The following TTC28 variants were observed in gnomAD, a reference collection of about 807,000 sequenced individuals.
The protein encoded by TTC28 is tetratricopeptide repeat domain 28, also known as tetratricopeptide repeat protein 28.
A neutral mutation model predicts 198.0 loss-of-function variants in TTC28; 61 were observed. The observed-to-expected ratio is 0.31, with a 90% CI of 0.25 to 0.38. The LOEUF (loss-of-function observed/expected upper bound fraction) is 0.38, where lower values mean the gene tolerates loss of function less well. Among genes scored for constraint, TTC28 ranks in the 10% least tolerant of loss-of-function variants. TTC28 has a pLI of 1.00. For synonymous variants in TTC28, 1,171 were observed against 1,297.8 expected, an observed-to-expected ratio of 0.90 and a Z score of 2.10; for missense variants, 2,678 against 3,164.0, an observed-to-expected ratio of 0.85 and a Z score of 3.69.
At chr22:28,191,269 A>C (rs1924718188) in intron 5 of TTC28, among the ~76,000 whole-genome samples, 1 of 152,228 alleles carries the variant, frequency 6.6e-6, no homozygotes, top group African/African-American at 2.4e-5. Context: ...AGAAATAAAG[A>C]ATTACCAACT....
At chr22:28,231,959 A>C (rs1422443361) in intron 5 of TTC28, among the ~76,000 whole-genome samples, 1 of 152,252 alleles carries the variant, frequency 6.6e-6, no homozygotes, top group Non-Finnish European at 1.5e-5. Context: ...AGTAGTTCAT[A>C]ATTGAGAAAG....
chr22:28,304,971 A>ATTATTTATTTATTTAT (rs112686882), intron 3 of TTC28, among the ~76,000 whole-genome samples: 427 of 147,982 alleles, frequency 2.9e-3, no homozygotes, highest in African/African-American at 4.2e-3. Context: ...TTGTTTATTT[A>ATTATTTATTTATTTAT]TTATTTATTT....
intron 2 of TTC28, among the ~76,000 whole-genome samples, chr22:28,618,383 T>C (rs2050935863): frequency 6.6e-6 from 1 of 150,594 alleles, no homozygotes; most frequent in Non-Finnish European, 1.5e-5. Flanking sequence ...CAAAAATACA[T>C]CTAAATGAAA....
intron 5 of TTC28, among the ~76,000 whole-genome samples, chr22:28,166,374 C>T (rs1175654126): frequency 2.6e-5 from 4 of 152,152 alleles, no homozygotes; most frequent in Non-Finnish European, 5.9e-5. Context: ...AATATACATT[C>T]TTCTCAGCAC....
chr22:28,480,069 G>C (rs1440092488), intron 2 of TTC28, among the ~76,000 whole-genome samples: 4 of 152,192 alleles, frequency 2.6e-5, no homozygotes, highest in Non-Finnish European at 4.4e-5. Flanking sequence ...ATGAGGCAAA[G>C]CCAAATGGGG....
intron 2 of TTC28, among the ~76,000 whole-genome samples, chr22:28,371,288 C>T (rs2046327065): frequency 6.6e-6 from 1 of 150,786 alleles, no homozygotes; most frequent in African/African-American, 2.4e-5. Context: ...GAGGCTGAGG[C>T]AGGCAGATCG....
chr22:28,280,712 G>C (rs1260378263), intron 5 of TTC28, among the ~76,000 whole-genome samples: 1 of 151,978 alleles, frequency 6.6e-6, no homozygotes, highest in East Asian at 1.9e-4. Flanking sequence ...TGTAGGTCTG[G>C]GTTTCCATTT....
chr22:28,628,515 T>C (rs1252123771), intron 2 of TTC28, among the ~76,000 whole-genome samples: 4 of 152,204 alleles, frequency 2.6e-5, no homozygotes, highest in African/African-American at 7.2e-5. Flanking sequence ...TTATTAACTA[T>C]AGTCCTCATG....
Position 28,117,278 on chromosome 22 carries a change from C to T in TTC28, c.1442-8875G>A, listed in dbSNP as rs1942658843. Among the ~76,000 whole-genome samples the T allele has an allele frequency of 2.0e-5, 3 of 152,234 alleles. No individual in the cohort carries two copies. The South Asian group carries it at 6.2e-4, about 32-fold the overall frequency. On this transcript the variant is annotated intron_variant, in intron 6 of 22. Coordinates refer to ENST00000397906, the MANE Select transcript of TTC28 (RefSeq NM_001145418.2). Reference sequence around the variant, plus strand: ...GTGTTGCCCCTAAGGATTGCATGGACCTGTGGTAGGCTTTGTATGAATATA... The same window carrying T: ...GTGTTGCCCCTAAGGATTGCATGGATCTGTGGTAGGCTTTGTATGAATATA...
At chr22:28,070,070 C>T (rs951944418) in intron 12 of TTC28, among the ~76,000 whole-genome samples, 4 of 152,122 alleles carry the variant, frequency 2.6e-5, no homozygotes, top group Admixed American at 2.6e-4. Flanking sequence ...TAGTCAGACC[C>T]ATTCTAGCAA....
At chr22:28,280,526 T>C (rs934505736) in intron 5 of TTC28, among the ~76,000 whole-genome samples, 2 of 152,024 alleles carry the variant, frequency 1.3e-5, no homozygotes, top group African/African-American at 4.8e-5. Context: ...TTAATAGAGA[T>C]GGGGTTTCAC....
chr22:28,221,097 A>G (rs747308296), intron 5 of TTC28, among the ~76,000 whole-genome samples: 3 of 152,140 alleles, frequency 2.0e-5, no homozygotes, highest in Non-Finnish European at 4.4e-5. Context: ...TGGCTCCAGG[A>G]AAGTTGTTAG....
At chr22:28,522,857 C>T (rs5762667) in intron 2 of TTC28, among the ~76,000 whole-genome samples, 150,539 of 152,116 alleles carry the variant, frequency 0.99, 74,515 homozygotes, top group Middle Eastern at 1. Flanking sequence ...TAGTGGTTGT[C>T]AGAGGCTGGA....
Position 27,990,527 on chromosome 22 carries a change from T to C in TTC28, c.5577+262A>G, listed in dbSNP as rs566359825. Among the ~76,000 whole-genome samples the C allele has an allele frequency of 4.6e-5, 7 of 152,346 alleles. No homozygotes were observed. In the South Asian group the frequency reaches 1.0e-3, roughly 23 times the overall value. On this transcript the variant is annotated intron_variant, in intron 20 of 22. Coordinates refer to ENST00000397906, the MANE Select transcript of TTC28 (RefSeq NM_001145418.2). Reference sequence around the variant, plus strand: ...TCACAGAGTGACACTCACTGAAAGCTGGTTCTGCCCCTGCTGTCTGGTGGA... The same window carrying C: ...TCACAGAGTGACACTCACTGAAAGCCGGTTCTGCCCCTGCTGTCTGGTGGA...
At chr22:28,491,520 C>T (rs1318550038) in intron 2 of TTC28, among the ~76,000 whole-genome samples, 2 of 152,190 alleles carry the variant, frequency 1.3e-5, no homozygotes, top group Admixed American at 1.3e-4. Flanking sequence ...TGCTCATCAT[C>T]ACTGGCCATC....
rs1180056942 is a variant in TTC28, at chr22:28,119,904, G to A, written c.1442-11501C>T. On this transcript the variant is annotated intron_variant, in intron 6 of 22. Transcript: ENST00000397906. Reference sequence around the variant, plus strand: ...CTGGTATCCAATAATTTAAGCAAAAGACTGAGAAACTGAAAACCTTACTTT... The same window carrying A: ...CTGGTATCCAATAATTTAAGCAAAAAACTGAGAAACTGAAAACCTTACTTT... Among the ~76,000 whole-genome samples the A allele has an allele frequency of 2.6e-5, 4 of 152,188 alleles. No individual in the cohort carries two copies. In the South Asian group the frequency reaches 8.3e-4, roughly 32 times the overall value.
At chr22:28,608,554 G>A (rs2050768793) in intron 2 of TTC28, among the ~76,000 whole-genome samples, 1 of 152,126 alleles carries the variant, frequency 6.6e-6, no homozygotes, top group African/African-American at 2.4e-5. Context: ...TGTCCCTAGG[G>A]AGCTTTTAAA....
chr22:28,306,723 T>C, intron 2 of TTC28, 80 bp from the exon 3 acceptor site: 2 of 1,429,560 alleles, frequency 1.4e-6, no homozygotes, highest in South Asian at 1.3e-5. Flanking sequence ...GAACAACAGG[T>C]CAGCAGAACT....
intron 2 of TTC28, among the ~76,000 whole-genome samples, chr22:28,504,676 C>A (rs2048581882): frequency 6.6e-6 from 1 of 152,122 alleles, no homozygotes; most frequent in Non-Finnish European, 1.5e-5. Context: ...TAACATTTTT[C>A]TGATGCCCGA....
Sources: gnomAD v4.1 joint callset for allele counts (sites outside exome capture counted in the v4.1 genomes callset) on GRCh38, gnomAD v4.1.1 for gene constraint, MANE v1.5 for transcripts, NCBI Gene and HGNC (gene_info 2026-07-23, HGNC 2026-07-21) for gene names.